MPHOSPH9: variants seen among roughly 807,000 people sequenced by gnomAD.
MPHOSPH9 encodes the protein M-phase phosphoprotein 9.
MPHOSPH9 carries 88 observed loss-of-function variants against 145.5 expected under a neutral mutation model. That is an observed-to-expected ratio of 0.60 (90% CI 0.51 to 0.72). MPHOSPH9 has a LOEUF of 0.72. Ranked by LOEUF, MPHOSPH9 falls within the 30% of genes least tolerant of loss-of-function variation. The pLI, the probability that MPHOSPH9 is intolerant of heterozygous loss-of-function variation, is 0.00. For synonymous variants in MPHOSPH9, 435 were observed against 486.2 expected (o/e 0.89, Z 1.39); for missense variants, 1,238 against 1,386.6 (o/e 0.89, Z 1.70).
intron 16 of MPHOSPH9, among the ~76,000 whole-genome samples, chr12:123,176,384 T>C (rs1318306396): frequency 6.6e-6 from 1 of 152,214 alleles, no homozygotes; most frequent in Non-Finnish European, 1.5e-5. Flanking sequence ...TAGCCCCTTG[T>C]CCTTATTTTT....
intron 1 of MPHOSPH9, chr12:123,240,727 C>CTTTTTTTTTTTTTTTTTTTTTTTTT: frequency 9.8e-6 from 1 of 102,104 alleles, no homozygotes; most frequent in Non-Finnish European, 2.0e-5. Flanking sequence ...TTTTATTGAC[C>CTTTTTTTTTTTTTTTTTTTTTTTTT]TTTTTTTTTT....
rs1203315678 is a variant in MPHOSPH9, at chr12:123,194,485, T to C, written c.2142A>G (p.Lys714=). 6.2e-7 allele frequency: 1 copy of C among 1,611,936 alleles called. No homozygotes were observed. The highest frequency in any genetic ancestry group is 1.7e-5 in the Admixed American group (1 of 59,794). The change falls in exon 13 of 24, where the codon AAA becomes AAG. Residue 714 remains lysine, a synonymous_variant. Coordinates refer to ENST00000606320, the MANE Select transcript of MPHOSPH9 (RefSeq NM_022782.4). ...KEKDNTIIRL[K]SRLQDLEEAF... ...CTTCTTCTAAATCTTGCAGTCTAGATTTTAGTCGAATGATGGTATTGTCTT... is the reference window on the plus strand; with the variant it reads ...CTTCTTCTAAATCTTGCAGTCTAGACTTTAGTCGAATGATGGTATTGTCTT...
At chr12:123,208,752 C>A (rs192843065) in intron 8 of MPHOSPH9, among the ~76,000 whole-genome samples, 1 of 150,158 alleles carries the variant, frequency 6.7e-6, no homozygotes, top group Admixed American at 6.6e-5. Flanking sequence ...TTTTTTTTTT[C>A]CCTTTTTGAG....
intron 8 of MPHOSPH9, among the ~76,000 whole-genome samples, chr12:123,205,878 C>G (rs1419430101): frequency 6.6e-6 from 1 of 152,152 alleles, no homozygotes; most frequent in Non-Finnish European, 1.5e-5. Flanking sequence ...TGCTCATGAG[C>G]TCAAAATTGG....
intron 1 of MPHOSPH9, among the ~76,000 whole-genome samples, chr12:123,241,999 C>A (rs184470688): frequency 1.2e-4 from 19 of 152,224 alleles, no homozygotes; most frequent in African/African-American, 4.3e-4. Flanking sequence ...TCAGCTATCA[C>A]ATGTATCCTG....
chr12:123,224,021 G>A (rs1207727736), intron 3 of MPHOSPH9, among the ~76,000 whole-genome samples: 2 of 151,010 alleles, frequency 1.3e-5, no homozygotes, highest in Non-Finnish European at 2.9e-5. Context: ...TGCAACCTCC[G>A]CCTCCCGTGT....
chr12:123,240,063 G>A (rs2047907302), intron 1 of MPHOSPH9, among the ~76,000 whole-genome samples: 1 of 152,040 alleles, frequency 6.6e-6, no homozygotes, highest in Non-Finnish European at 1.5e-5. Flanking sequence ...TCTGTGAGCT[G>A]GTTAGAAATG....
At chr12:123,165,738 CA>C (rs1170960744) in intron 17 of MPHOSPH9, 11 of 342,794 alleles carry the variant, frequency 3.2e-5, no homozygotes, top group Non-Finnish European at 5.3e-5. Flanking sequence ...CATGTGAGGA[CA>C]TAACCAGGAA....
chr12:123,218,044 CAA>C (rs34652752), intron 6 of MPHOSPH9, among the ~76,000 whole-genome samples: 10 of 113,800 alleles, frequency 8.8e-5, no homozygotes, highest in East Asian at 3.0e-4. Flanking sequence ...GACTCCATCT[CAA>C]AAAAAAAAAA....
At chr12:123,212,148 G>A (rs1476696715) in intron 7 of MPHOSPH9, among the ~76,000 whole-genome samples, 1 of 152,118 alleles carries the variant, frequency 6.6e-6, no homozygotes, top group Non-Finnish European at 1.5e-5. Context: ...GCACTCTGAT[G>A]AGATTTTAAA....
Position 123,241,330 on chromosome 12 carries a change from TTTG to T in MPHOSPH9, c.-159+2520_-159+2522del, listed in dbSNP as rs933228235. 9.2e-5 allele frequency among the ~76,000 whole-genome samples: 14 copies of T among 152,022 alleles called. No homozygotes were observed. In the East Asian group the frequency reaches 9.7e-4, roughly 11 times the overall value. On this transcript the variant is annotated intron_variant, in intron 1 of 2. Coordinates refer to the MPHOSPH9 transcript ENST00000545406. ...TATTGTATTTTTTATTTTACTGTTT[TTTG>T]TTGTTGTTGTTTTTTGAGACAGAGT...
At chr12:123,198,368 T>C (rs966629104) in intron 11 of MPHOSPH9, 34 bp from the exon 12 acceptor site, 3 of 1,493,742 alleles carry the variant, frequency 2.0e-6, no homozygotes, top group East Asian at 2.3e-5. Flanking sequence ...AATTAGAAGA[T>C]AAAATTATTA....
chr12:123,212,320 G>C (rs2046762447), intron 7 of MPHOSPH9, among the ~76,000 whole-genome samples: 1 of 152,058 alleles, frequency 6.6e-6, no homozygotes, highest in East Asian at 1.9e-4. Context: ...TTTCAAGTAT[G>C]GAAAACAGCC....
At chr12:123,228,144 C>T (rs1200661293) in intron 2 of MPHOSPH9, among the ~76,000 whole-genome samples, 2 of 152,196 alleles carry the variant, frequency 1.3e-5, no homozygotes, top group Non-Finnish European at 2.9e-5. Context: ...TTAGCCTACT[C>T]AGTGTGTAAA....
At chr12:123,213,784 T>A (rs2046843645) in intron 7 of MPHOSPH9, among the ~76,000 whole-genome samples, 1 of 152,110 alleles carries the variant, frequency 6.6e-6, no homozygotes, top group South Asian at 2.1e-4. Flanking sequence ...GTAAGGACTC[T>A]GTGAACAACA....
At chr12:123,175,465 TTGA>T (rs1471186898) in intron 16 of MPHOSPH9, among the ~76,000 whole-genome samples, 1 of 152,212 alleles carries the variant, frequency 6.6e-6, no homozygotes, top group African/African-American at 2.4e-5. Flanking sequence ...GATCCAACTC[TTGA>T]TCACGGCTTA....
rs533600487 is a variant in MPHOSPH9, at chr12:123,175,462, C to A, written c.2456+1226G>T. 9.9e-5 allele frequency among the ~76,000 whole-genome samples: 15 copies of A among 152,284 alleles called. No individual in the cohort carries two copies. In the East Asian group the frequency reaches 2.7e-3, roughly 27 times the overall value. On this transcript the variant is annotated intron_variant, in intron 16 of 23. Coordinates refer to ENST00000606320, the MANE Select transcript of MPHOSPH9 (RefSeq NM_022782.4). ...GCCACGGCGCCCAGCCAAGATCCAACTCTTGATCACGGCTTAGAAAGCTAT... is the reference window on the plus strand; with the variant it reads ...GCCACGGCGCCCAGCCAAGATCCAAATCTTGATCACGGCTTAGAAAGCTAT...
Position 123,227,622 on chromosome 12 carries a change from G to GA in MPHOSPH9, c.105-7dup. On this transcript the variant is annotated splice_polypyrimidine_tract_variant and splice_region_variant and intron_variant, in intron 2 of 23. Transcript: ENST00000606320. ...TACTAAGGTGGGGACTACTTCTGTT[G>GA]AAACATAAATAATTCAAATGGTTTT... The GA allele has an allele frequency of 6.7e-7, 1 of 1,497,108 alleles. No homozygotes were observed. Among genetic ancestry groups the GA allele is most frequent in the Non-Finnish European group, 8.8e-7 (1 of 1,131,046 alleles). 92.7% of individuals were successfully genotyped at this position (1,497,108 alleles called of 1,614,324 possible).
At chr12:123,192,023 G>T (rs2045698878) in intron 13 of MPHOSPH9, among the ~76,000 whole-genome samples, 1 of 151,994 alleles carries the variant, frequency 6.6e-6, no homozygotes. Flanking sequence ...TAATAAATAA[G>T]TCAAGGAAAG....
Sources: allele counts gnomAD v4.1 joint callset (sites outside exome capture counted in the v4.1 genomes callset), GRCh38; gene constraint gnomAD v4.1.1; transcripts MANE v1.5; gene names NCBI Gene and HGNC (gene_info 2026-07-23, HGNC 2026-07-21).